NUBP1: variants seen among roughly 807,000 people sequenced by gnomAD.
NUBP1 encodes NUBP iron-sulfur cluster assembly factor 1, cytosolic.
NUBP1 carries 46 observed loss-of-function variants against 41.8 expected under a neutral mutation model. The ratio of observed to expected loss-of-function variants is 1.10; its 90% confidence interval spans 0.87 to 1.41. The LOEUF (loss-of-function observed/expected upper bound fraction) is 1.41, where lower values mean the gene tolerates loss of function less well. Among genes scored for constraint, NUBP1 ranks in the 40% most tolerant of loss-of-function variants. NUBP1 has a pLI of 0.00. For synonymous variants in NUBP1, 189 were observed against 154.6 expected (o/e 1.22, Z -1.65); for missense variants, 494 against 414.0 (o/e 1.19, Z -1.68).
chr16:10,761,086 G>C (rs192072000), intron 7 of NUBP1: 2 of 315,586 alleles, frequency 6.3e-6, no homozygotes, highest in African/African-American at 4.3e-5. Flanking sequence ...ATCAGATCTC[G>C]TGAAAACTCA....
chr16:10,758,661 G>A (rs575322339), intron 7 of NUBP1, among the ~76,000 whole-genome samples: 25 of 152,284 alleles, frequency 1.6e-4, no homozygotes, highest in Non-Finnish European at 2.9e-4. Context: ...GCCTGGCCCC[G>A]TCAGCCTTGC....
At chr16:10,751,299 T>C (rs1419535136) in intron 3 of NUBP1, among the ~76,000 whole-genome samples, 1 of 152,174 alleles carries the variant, frequency 6.6e-6, no homozygotes, top group African/African-American at 2.4e-5. Context: ...GATAGTGTCA[T>C]TTCCCCGTGG....
intron 3 of NUBP1, among the ~76,000 whole-genome samples, chr16:10,751,124 G>A (rs536760045): frequency 5.9e-5 from 9 of 152,246 alleles, no homozygotes; most frequent in Non-Finnish European, 1.2e-4. Context: ...GAGTGCGCTG[G>A]ATCTGCTTCT....
intron 7 of NUBP1, among the ~76,000 whole-genome samples, chr16:10,758,976 G>A (rs1280950289): frequency 6.6e-6 from 1 of 152,112 alleles, no homozygotes; most frequent in Non-Finnish European, 1.5e-5. Flanking sequence ...CCATCTCAGG[G>A]GCCTGAGAAA....
chr16:10,761,541 G>C, intron 8 of NUBP1, 67 bp downstream of exon 8: 3 of 1,341,046 alleles, frequency 2.2e-6, no homozygotes, highest in African/African-American at 2.9e-5. Context: ...CGATCGGAAG[G>C]CTGCTCTGCA....
chr16:10,752,303 C>T (rs371007580), intron 3 of NUBP1, among the ~76,000 whole-genome samples: 7 of 152,174 alleles, frequency 4.6e-5, no homozygotes, highest in Non-Finnish European at 8.8e-5. Context: ...TTCCCCGTCT[C>T]CTCCAACCAG....
At position 10,761,344 on chromosome 16, in the gene NUBP1, T is replaced by C; in HGVS notation, c.607-20T>C. 6.2e-7 allele frequency: 1 copy of C among 1,610,006 alleles called. No individual in the cohort carries two copies. The highest frequency in any genetic ancestry group is 8.5e-7 in the Non-Finnish European group (1 of 1,176,498). On this transcript the variant is annotated intron_variant, in intron 7 of 10. Coordinates refer to ENST00000283027, the MANE Select transcript of NUBP1 (RefSeq NM_002484.4). ...TCTCGCACTTTGATGCTGGAATCAC[T>C]GGTCTTTTCACCTTCGTAGGAGGTG...
intron 4 of NUBP1, among the ~76,000 whole-genome samples, chr16:10,755,121 G>T (rs533327042): frequency 6.6e-6 from 1 of 152,198 alleles, no homozygotes; most frequent in Admixed American, 6.5e-5. Flanking sequence ...CATTCAATGG[G>T]TGAGTCATAT....
chr16:10,748,107 T>C (rs935037672), intron 3 of NUBP1, among the ~76,000 whole-genome samples: 1 of 152,104 alleles, frequency 6.6e-6, no homozygotes, highest in African/African-American at 2.4e-5. Flanking sequence ...CTTGCCACCA[T>C]GCCCGGCTAA....
At chr16:10,753,235 T>C (rs1900404046) in intron 4 of NUBP1, among the ~76,000 whole-genome samples, 1 of 152,182 alleles carries the variant, frequency 6.6e-6, no homozygotes, top group Non-Finnish European at 1.5e-5. Context: ...AGCATTGGTT[T>C]CGATGCCTCC....
In NUBP1 at chr16:10,752,530, C is replaced by T. The variant is rs1900365657; in HGVS notation, c.259-80C>T. ...CTTCTCCCCTGTCCTTTTCCTCTAA[C>T]CCCGCTCCCCTCCTAGTTGTGTGTG... is the stretch of plus-strand genomic sequence containing the variant. On this transcript the variant is annotated intron_variant, in intron 3 of 10. Coordinates refer to ENST00000283027, the MANE Select transcript of NUBP1 (RefSeq NM_002484.4). 1.5e-5 allele frequency: 17 copies of T among 1,161,732 alleles called. No homozygotes were observed. In the Admixed American group the frequency reaches 2.9e-4, roughly 20 times the overall value. The allele number at this position is 1,161,732 out of a possible 1,614,324, so 72.0% of individuals were successfully genotyped here.
chr16:10,752,754 C>G lies in NUBP1; in HGVS notation c.327+76C>G, dbSNP rs922511475. The G allele has an allele frequency of 2.5e-6, 3 of 1,212,838 alleles. No individual in the cohort carries two copies. The African/African-American group carries it at 4.5e-5, about 18-fold the overall frequency. The allele number at this position is 1,212,838 out of a possible 1,614,324, so 75.1% of individuals were successfully genotyped here. On this transcript the variant is annotated intron_variant, in intron 4 of 10. Transcript: ENST00000283027. ...GTAGCACTGAACTGTCAAACCTCAA[C>G]AAAGAGGCATGCGGAGCCCATAAAT... is the stretch of plus-strand genomic sequence containing the variant.
In NUBP1 at chr16:10,743,872, G is replaced by C; in HGVS notation, c.9G>C (p.Glu3Asp). 6.4e-7 allele frequency: 1 copy of C among 1,565,544 alleles called. No individual in the cohort carries two copies. Among genetic ancestry groups the C allele is most frequent in the South Asian group, 1.2e-5 (1 of 85,038 alleles). Residue 3 changes from glutamate to aspartate, a missense_variant, in exon 1 of 11, where the codon GAG becomes GAC. Physicochemically the swap from Glu to Asp is conservative, Grantham distance 45. Coordinates refer to ENST00000283027, the MANE Select transcript of NUBP1 (RefSeq NM_002484.4). ...GCGGCAAAGGCGACGGAATGGAGGA[G>C]GTGCCTCACGGTAAGCTCGCGGAGG... ME[E>D]VPHDCPGADS... is the part of the protein sequence containing the mutation.
At chr16:10,746,176 G>T (rs1900053472) in intron 2 of NUBP1, among the ~76,000 whole-genome samples, 1 of 152,208 alleles carries the variant, frequency 6.6e-6, no homozygotes, top group African/African-American at 2.4e-5. Flanking sequence ...AGGTTTCCAG[G>T]CTTAACTTTC....
rs950279586 is a variant in NUBP1, at chr16:10,755,638, A to C, written c.328-83A>C. The C allele has an allele frequency of 2.9e-6, 4 of 1,376,778 alleles. No homozygotes were observed. The African/African-American group carries it at 5.7e-5, about 20-fold the overall frequency. 85.3% of individuals were successfully genotyped at this position (1,376,778 alleles called of 1,614,324 possible). A position where few individuals can be genotyped will look rare whatever the true frequency, so the allele number is the denominator to read the frequency against. ...TTATATTTTAAAAAACCATCGTCTT[A>C]CTTTGTACAATTTGTCTGTGCATGA... is the stretch of plus-strand genomic sequence containing the variant. On this transcript the variant is annotated intron_variant, in intron 4 of 10. Coordinates refer to ENST00000283027, the MANE Select transcript of NUBP1 (RefSeq NM_002484.4).
Position 10,768,135 on chromosome 16 carries a change from G to A in NUBP1, c.904+103G>A. The stretch of plus-strand genomic sequence containing the variant: ...ACAGGTGGGTGGTGGGGTCTGTGAT[G>A]ACCACAGAGTGGCCCCCATAGCCGA... On this transcript the variant is annotated intron_variant, in intron 10 of 10. Transcript: ENST00000283027. This position sits in a 1 kb window ranked among gnomAD's most constrained non-coding sequence, Gnocchi z 4.3. 1 of 1,073,346 alleles carries A rather than the reference G, an allele frequency of 9.3e-7. No homozygotes were observed. Among genetic ancestry groups the A allele is most frequent in the Non-Finnish European group, 1.4e-6 (1 of 709,900 alleles). 66.5% of individuals were successfully genotyped at this position (1,073,346 alleles called of 1,614,324 possible).
intron 3 of NUBP1, among the ~76,000 whole-genome samples, chr16:10,747,962 G>T (rs1473463983): frequency 1.3e-5 from 2 of 151,942 alleles, no homozygotes; most frequent in Non-Finnish European, 2.9e-5. Flanking sequence ...TTTTTTGTTT[G>T]TTTGAGACAG....
At chr16:10,750,234 T>G (rs1900258203) in intron 3 of NUBP1, among the ~76,000 whole-genome samples, 1 of 152,134 alleles carries the variant, frequency 6.6e-6, no homozygotes, top group African/African-American at 2.4e-5. Flanking sequence ...CCAACTTCCA[T>G]AAATTAAACT....
intron 5 of NUBP1, among the ~76,000 whole-genome samples, chr16:10,756,200 G>A (rs1387953204): frequency 2.0e-5 from 3 of 152,066 alleles, no homozygotes; most frequent in East Asian, 1.9e-4. Flanking sequence ...CCAACATGGC[G>A]AAATCCCATC....
Sources: gnomAD v4.1 joint callset for allele counts (sites outside exome capture counted in the v4.1 genomes callset) on GRCh38, gnomAD v4.1.1 for gene constraint, Gnocchi (gnomAD v3.1) non-coding constraint, MANE v1.5 for transcripts, NCBI Gene and HGNC (gene_info 2026-07-23, HGNC 2026-07-21) for gene names.